The following FMN2 variants were observed in gnomAD, a reference collection of about 807,000 sequenced individuals.
FMN2 encodes formin-2.
FMN2 carries 51 observed loss-of-function variants against 142.3 expected under a neutral mutation model. The observed-to-expected ratio is 0.36, with a 90% CI of 0.29 to 0.45. The LOEUF is 0.45. FMN2 is among the 20% of genes least tolerant of loss of function. The pLI is 1.00. For synonymous variants in FMN2, 882 were observed against 869.8 expected (o/e 1.01, Z -0.25); for missense variants, 1,936 against 2,122.8 (o/e 0.91, Z 1.73).
chr1:240,284,758 A>C (rs1421867028), intron 7 of FMN2, among the ~76,000 whole-genome samples: 1 of 152,136 alleles, frequency 6.6e-6, no homozygotes, highest in Non-Finnish European at 1.5e-5. Context: ...GTCCTTAAAA[A>C]CGTAAAAACT....
intron 6 of FMN2, among the ~76,000 whole-genome samples, chr1:240,212,321 C>G (rs149032921): frequency 6.6e-6 from 1 of 152,258 alleles, no homozygotes; most frequent in East Asian, 1.9e-4. Flanking sequence ...ACCCCTGTGA[C>G]CCGTAGTTGG....
Position 240,226,650 on chromosome 1 carries a change from A to C in FMN2, c.4065+15415A>C, listed in dbSNP as rs74225180. On this transcript the variant is annotated intron_variant, in intron 6 of 17. Coordinates refer to ENST00000319653, the MANE Select transcript of FMN2 (RefSeq NM_020066.5). ...CATAGTATAATTACATAGTTCTCTT[A>C]AGTGATAGTTTGTGGCTGCAGTGAG... 8.9e-4 allele frequency among the ~76,000 whole-genome samples: 135 copies of C among 152,320 alleles called. No individual in the cohort carries two copies. In the East Asian group the frequency reaches 0.025, roughly 28 times the overall value.
At chr1:240,143,224 T>TA in intron 2 of FMN2, 1 of 1,589,144 alleles carries the variant, frequency 6.3e-7, no homozygotes, top group East Asian at 2.2e-5. Context: ...AAAATGGAGT[T>TA]ATAGGAAACT....
intron 8 of FMN2, among the ~76,000 whole-genome samples, chr1:240,309,858 A>G (rs185548775): frequency 2.0e-4 from 30 of 152,128 alleles, no homozygotes; most frequent in African/African-American, 7.2e-4. Flanking sequence ...AGGTTTTAGG[A>G]GGTATGGTCT....
At chr1:240,311,375 T>C (rs951732948) in intron 8 of FMN2, among the ~76,000 whole-genome samples, 2 of 152,184 alleles carry the variant, frequency 1.3e-5, no homozygotes, top group Admixed American at 6.5e-5. Flanking sequence ...TTAAGCAACA[T>C]TTAATCATCA....
chr1:240,295,397 C>T (rs1390005185), intron 8 of FMN2, among the ~76,000 whole-genome samples: 1 of 152,162 alleles, frequency 6.6e-6, no homozygotes, highest in African/African-American at 2.4e-5. Flanking sequence ...AGAAGTTATT[C>T]ATCTTATAAC....
At chr1:240,211,003 C>T (rs575835707) in intron 5 of FMN2, 88 bp from the exon 6 acceptor site, 12 of 1,268,906 alleles carry the variant, frequency 9.5e-6, no homozygotes, top group African/African-American at 3.1e-5. Context: ...GCTGGCCTTC[C>T]TCCCTCCCCT....
intron 6 of FMN2, among the ~76,000 whole-genome samples, chr1:240,252,576 A>T (rs186322592): frequency 1.5e-3 from 222 of 148,078 alleles, no homozygotes; most frequent in African/African-American, 5.4e-3. Flanking sequence ...CTTTGAATAT[A>T]TCATTCAGTT....
chr1:240,226,189 G>C (rs1274556263), intron 6 of FMN2, among the ~76,000 whole-genome samples: 1 of 152,068 alleles, frequency 6.6e-6, no homozygotes, highest in African/African-American at 2.4e-5. Context: ...ACACATCCAA[G>C]AAGTTCAATG....
chr1:240,212,930 T>G (rs536798831), intron 6 of FMN2, among the ~76,000 whole-genome samples: 60 of 152,260 alleles, frequency 3.9e-4, no homozygotes, highest in Non-Finnish European at 7.4e-4. Context: ...GCACCCCTTT[T>G]GTTTTTTTGT....
chr1:240,103,700 C>A (rs1661490890), intron 1 of FMN2, among the ~76,000 whole-genome samples: 1 of 152,124 alleles, frequency 6.6e-6, no homozygotes, highest in South Asian at 2.1e-4. Flanking sequence ...CCTCAACATT[C>A]TTTTGTCCAC....
chr1:240,453,586 A>G (rs1450533169), intron 16 of FMN2, among the ~76,000 whole-genome samples: 1 of 152,166 alleles, frequency 6.6e-6, no homozygotes, highest in Non-Finnish European at 1.5e-5. Context: ...CTCCATGAAT[A>G]AAACATTGAG....
intron 8 of FMN2, among the ~76,000 whole-genome samples, chr1:240,299,148 A>T (rs1296048782): frequency 6.6e-6 from 1 of 151,972 alleles, no homozygotes; most frequent in Non-Finnish European, 1.5e-5. Context: ...GGGTTTTGCC[A>T]TGTTGGCTAG....
rs573092156 is a variant in FMN2, at chr1:240,149,003, G to T, written c.1782+25658G>T. On this transcript the variant is annotated intron_variant, in intron 2 of 17. Transcript: ENST00000319653. ...AAATAAATAAATAAATAAAAAACTC[G>T]TATATTAAATGTAATCTTATTCAAT... is the stretch of plus-strand genomic sequence containing the variant. 1.1e-4 allele frequency among the ~76,000 whole-genome samples: 17 copies of T among 151,574 alleles called. 1 individual carries two copies. In the South Asian group the frequency reaches 3.6e-3, roughly 32 times the overall value.
intron 2 of FMN2, among the ~76,000 whole-genome samples, chr1:240,160,021 T>C (rs1170992265): frequency 7.0e-6 from 1 of 143,552 alleles, no homozygotes; most frequent in Admixed American, 7.0e-5. Context: ...TCTTTTGGTC[T>C]TCAGTTTGTT....
At chr1:240,432,848 C>G (rs1483237300) in intron 15 of FMN2, among the ~76,000 whole-genome samples, 2 of 152,094 alleles carry the variant, frequency 1.3e-5, no homozygotes, top group Non-Finnish European at 2.9e-5. Flanking sequence ...GGAACTTACT[C>G]TGTATAATTT....
At chr1:240,368,968 T>TATAC in intron 14 of FMN2, among the ~76,000 whole-genome samples, 1 of 151,358 alleles carries the variant, frequency 6.6e-6, no homozygotes, top group Middle Eastern at 3.4e-3. Context: ...TATATATATA[T>TATAC]ATATAAACAC....
chr1:240,296,060 G>T (rs1276920031), intron 8 of FMN2, among the ~76,000 whole-genome samples: 1 of 152,152 alleles, frequency 6.6e-6, no homozygotes, highest in Non-Finnish European at 1.5e-5. Flanking sequence ...AGTTAGAGAG[G>T]TTAGATGACT....
At chr1:240,228,327 A>G (rs866145552) in intron 6 of FMN2, among the ~76,000 whole-genome samples, 267 of 78,222 alleles carry the variant, frequency 3.4e-3, no homozygotes, top group Admixed American at 0.018. Context: ...AAAAAAAAAA[A>G]AAAAAGAAAA....
Sources: gnomAD v4.1 joint callset for allele counts (sites outside exome capture counted in the v4.1 genomes callset) on GRCh38, gnomAD v4.1.1 for gene constraint, MANE v1.5 for transcripts, NCBI Gene and HGNC (gene_info 2026-07-23, HGNC 2026-07-21) for gene names.